The following OS9 variants were observed in gnomAD, a reference collection of about 807,000 sequenced individuals.
OS9 encodes protein OS-9.
In OS9, 58 loss-of-function variants were observed where a neutral mutation model predicts 84.7. The observed-to-expected ratio is 0.68, with a 90% CI of 0.55 to 0.85. The LOEUF is 0.85. OS9 is among the 40% of genes least tolerant of loss of function. The pLI is 0.00. For synonymous variants in OS9, 278 were observed against 320.8 expected (o/e 0.87, Z 1.43); for missense variants, 760 against 850.9 (o/e 0.89, Z 1.33).
At chr12:57,696,517 C>T (rs914307737) in intron 5 of OS9, 144 bp downstream of exon 5, 21 of 522,422 alleles carry the variant, frequency 4.0e-5, no homozygotes, top group Admixed American at 1.0e-4. Flanking sequence ...TATTTCCAGC[C>T]GGGCGCAGTG....
At chr12:57,719,759 TGGA>T in intron 12 of OS9, 1 of 253,332 alleles carries the variant, frequency 3.9e-6, no homozygotes. Context: ...TCCCAACATA[TGGA>T]GGAGGAGACC....
chr12:57,716,590 C>T, intron 8 of OS9, 78 bp downstream of exon 8: 2 of 1,499,840 alleles, frequency 1.3e-6, no homozygotes, highest in Non-Finnish European at 9.3e-7. Context: ...AGGTGACCTA[C>T]ATCTACCTAG....
intron 6 of OS9, 46 bp from the exon 7 acceptor site, chr12:57,716,046 C>G: frequency 2.5e-6 from 4 of 1,592,648 alleles, no homozygotes; most frequent in Non-Finnish European, 3.4e-6. Context: ...TATTGAATAG[C>G]TGGAGGAATG....
intron 5 of OS9, among the ~76,000 whole-genome samples, chr12:57,699,474 C>T (rs774961300): frequency 5.9e-5 from 9 of 151,962 alleles, no homozygotes; most frequent in African/African-American, 7.2e-5. Context: ...AGAGAGGAGG[C>T]TATGGTGACA....
rs557503030 is a variant in OS9, at chr12:57,713,691, C to T, written c.580-2069C>T. Among the ~76,000 whole-genome samples, 19 of 151,168 alleles carry T rather than the reference C, an allele frequency of 1.3e-4. No individual in the cohort carries two copies. The East Asian group carries it at 3.1e-3, about 25-fold the overall frequency. On this transcript the variant is annotated intron_variant, in intron 5 of 14. Coordinates refer to ENST00000315970, the MANE Select transcript of OS9 (RefSeq NM_006812.4). ...GGAAGTCCCTCCCCCTCCACCGCCC[C>T]ACCCCACTTTTTTTTTTTTTTTTTT...
intron 12 of OS9, 200 bp from the exon 13 acceptor site, chr12:57,719,899 G>A: frequency 1.9e-6 from 1 of 536,884 alleles, no homozygotes. Flanking sequence ...GAAGATGGAA[G>A]GCTGCAATTG....
Position 57,718,135 on chromosome 12 carries a change from T to A in OS9, c.1135-11T>A, listed in dbSNP as rs1954561897. On this transcript the variant is annotated splice_polypyrimidine_tract_variant and intron_variant, in intron 10 of 14. Coordinates refer to ENST00000315970, the MANE Select transcript of OS9 (RefSeq NM_006812.4). ...CCCAACTGTCTTTCTCCCCACTCCC[T>A]ACCCACCCAGGGGAAGCCAAATATA... The A allele has an allele frequency of 1.9e-6, 3 of 1,611,306 alleles. No individual in the cohort carries two copies. Among genetic ancestry groups the A allele is most frequent in the Non-Finnish European group, 2.5e-6 (3 of 1,178,148 alleles).
chr12:57,709,054 A>G (rs1954254306), intron 5 of OS9, among the ~76,000 whole-genome samples: 1 of 152,180 alleles, frequency 6.6e-6, no homozygotes, highest in African/African-American at 2.4e-5. Context: ...TTCTCTTAAG[A>G]AAAAAATGTC....
intron 5 of OS9, among the ~76,000 whole-genome samples, chr12:57,711,581 G>A (rs922108841): frequency 6.6e-5 from 10 of 151,976 alleles, no homozygotes; most frequent in African/African-American, 9.7e-5. Flanking sequence ...TCTTGACCTC[G>A]TGATCTGCCC....
chr12:57,701,788 G>GTTTGTTTTGT (rs56300326), intron 5 of OS9, among the ~76,000 whole-genome samples: 2 of 150,338 alleles, frequency 1.3e-5, no homozygotes, highest in East Asian at 2.0e-4. Context: ...TCAATTTTTT[G>GTTTGTTTTGT]TTTGTTTTGT....
At chr12:57,696,939 A>G (rs7309600) in intron 5 of OS9, among the ~76,000 whole-genome samples, 135,790 of 152,250 alleles carry the variant, frequency 0.89, 60,908 homozygotes, top group East Asian at 1. Flanking sequence ...GCATCCCTGC[A>G]AACAGCTTCT....
At chr12:57,711,830 A>C (rs1173778560) in intron 5 of OS9, among the ~76,000 whole-genome samples, 1 of 152,188 alleles carries the variant, frequency 6.6e-6, no homozygotes, top group East Asian at 1.9e-4. Context: ...GGCTAATGCC[A>C]ATATTCCCAA....
At position 57,716,401 on chromosome 12, in the gene OS9, C is replaced by G. The variant is rs1436822967; in HGVS notation, c.893-11C>G. On this transcript the variant is annotated splice_polypyrimidine_tract_variant and intron_variant, in intron 7 of 14. Transcript: ENST00000315970. ...TGTCAGATCAGTCTCTCCCTGTTCT[C>G]TGTACCCTAGGTGCGAGCCCGACCA... 1.9e-6 allele frequency: 3 copies of G among 1,548,672 alleles called. No homozygotes were observed. The highest frequency in any genetic ancestry group is 2.6e-6 in the Non-Finnish European group (3 of 1,143,814).
chr12:57,711,494 G>T (rs1053277116), intron 5 of OS9, among the ~76,000 whole-genome samples: 1 of 151,802 alleles, frequency 6.6e-6, no homozygotes, highest in East Asian at 1.9e-4. Context: ...CTACAGGTGT[G>T]CGCCACCACA....
intron 10 of OS9, 41 bp from the exon 11 acceptor site, chr12:57,718,105 G>A: frequency 1.3e-6 from 2 of 1,596,218 alleles, no homozygotes; most frequent in Non-Finnish European, 1.7e-6. Context: ...TGTCTCTGTT[G>A]AAACCCCAAC....
intron 13 of OS9, 61 bp from the exon 14 acceptor site, chr12:57,720,344 AG>A (rs1430749756): frequency 7.5e-6 from 12 of 1,601,042 alleles, no homozygotes; most frequent in Non-Finnish European, 1.0e-5. Flanking sequence ...CCAGTGGGGC[AG>A]GGGGCCTGCC....
chr12:57,706,867 AAAG>A (rs1251883764), intron 5 of OS9, among the ~76,000 whole-genome samples: 1 of 145,014 alleles, frequency 6.9e-6, no homozygotes, highest in African/African-American at 2.8e-5. Flanking sequence ...AAAAAAAAAA[AAAG>A]TTTAGATAAA....
intron 3 of OS9, 38 bp downstream of exon 3, chr12:57,695,881 C>T: frequency 6.3e-7 from 1 of 1,577,306 alleles, no homozygotes; most frequent in Non-Finnish European, 8.7e-7. Context: ...CCCTTAGTGT[C>T]ATATCATGGA....
At chr12:57,699,831 C>T (rs551207587) in intron 5 of OS9, among the ~76,000 whole-genome samples, 2 of 152,222 alleles carry the variant, frequency 1.3e-5, no homozygotes, top group Admixed American at 1.3e-4. Context: ...CGCGGTGGCT[C>T]ATGCCTATAA....
Sources: gnomAD v4.1 joint callset for allele counts (sites outside exome capture counted in the v4.1 genomes callset) on GRCh38, gnomAD v4.1.1 for gene constraint, MANE v1.5 for transcripts, NCBI Gene and HGNC (gene_info 2026-07-23, HGNC 2026-07-21) for gene names.